The following PGM5 variants were observed in gnomAD, a reference collection of about 807,000 sequenced individuals.
PGM5 encodes the protein phosphoglucomutase 5.
Under a neutral mutation model 59.2 loss-of-function variants are expected in PGM5, and 23 were observed. The ratio of observed to expected loss-of-function variants is 0.39; its 90% confidence interval spans 0.28 to 0.55. PGM5 has a LOEUF of 0.55. Ranked by LOEUF, PGM5 falls within the 20% of genes least tolerant of loss-of-function variation. The pLI, the probability that PGM5 is intolerant of heterozygous loss-of-function variation, is 0.66. For missense variants in PGM5, 574 were observed against 748.3 expected, an observed-to-expected ratio of 0.77 and a Z score of 2.72; for synonymous variants, 214 against 286.0, an observed-to-expected ratio of 0.75 and a Z score of 2.54.
intron 1 of PGM5, among the ~76,000 whole-genome samples, chr9:68,375,588 A>T (rs1211546947): frequency 6.6e-6 from 1 of 152,222 alleles, no homozygotes; most frequent in Non-Finnish European, 1.5e-5. Context: ...TCATTAATTC[A>T]ACAAATATTT....
rs553606035 is a variant in PGM5, at chr9:68,412,048, C to G, written c.1043+19575C>G. On this transcript the variant is annotated intron_variant, in intron 6 of 10. Transcript: ENST00000396396. ...GGACTTCAGCAGGTCTTTGTAAATT[C>G]AAAGCCCAGGCTCTCTAACACCATA... 4.2e-3 allele frequency among the ~76,000 whole-genome samples: 629 copies of G among 149,370 alleles called. 3 individuals carry two copies. The highest frequency in any genetic ancestry group is 0.015 in the African/African-American group (589 of 40,332).
At chr9:68,413,324 A>G (rs1366691061) in intron 6 of PGM5, among the ~76,000 whole-genome samples, 1 of 152,044 alleles carries the variant, frequency 6.6e-6, no homozygotes, top group African/African-American at 2.4e-5. Flanking sequence ...CCTGGGTAAG[A>G]AAGGCTCCCA....
Position 68,529,625 on chromosome 9 carries a change from C to A in PGM5, c.1673C>A (p.Thr558Asn). 1 of 1,600,582 alleles carries A rather than the reference C, an allele frequency of 6.2e-7. No homozygotes were observed. Among genetic ancestry groups the A allele is most frequent in the Non-Finnish European group, 8.5e-7 (1 of 1,171,298 alleles). The part of the protein sequence containing the change: ...ALKISQIHER[T>N]GRRGPTVIT ...AAAATATCCCAGATTCATGAGAGAA[C>A]TGGCCGGAGGGGACCCACTGTCATC... The change falls in exon 11 of 11, where the codon ACT becomes AAT. Residue 558 changes from threonine (T) to asparagine (N), a missense_variant. Physicochemically the swap from Thr to Asn is moderately conservative, Grantham distance 65. Transcript: ENST00000396396.
At chr9:68,373,808 C>T (rs1821803282) in intron 1 of PGM5, among the ~76,000 whole-genome samples, 1 of 152,196 alleles carries the variant, frequency 6.6e-6, no homozygotes. Context: ...CTCTTGTCTA[C>T]CAAATGGGAT....
In PGM5 at chr9:68,356,753, G is replaced by A; in HGVS notation, c.-375G>A. ...TCGCGGGTGAAGGCTGGGGCCAGGC[G>A]CGGGTGGAGGCGTCACCGGGGTCGG... On this transcript the variant is annotated 5_prime_UTR_variant, in exon 1 of 11. Coordinates refer to ENST00000396396, the MANE Select transcript of PGM5 (RefSeq NM_021965.4). 5.2e-6 allele frequency: 1 copy of A among 192,416 alleles called. No individual in the cohort carries two copies. Among genetic ancestry groups the A allele is most frequent in the Admixed American group, 6.2e-5 (1 of 16,244 alleles). The allele number at this position is 192,416 out of a possible 1,614,324, so 11.9% of individuals were successfully genotyped here.
At chr9:68,357,464 T>G in intron 1 of PGM5, 76 bp downstream of exon 1, 1 of 1,519,156 alleles carries the variant, frequency 6.6e-7, no homozygotes. Context: ...CCCTGCTGCC[T>G]CCGGGCCCAG....
intron 7 of PGM5, chr9:68,466,140 C>CT: frequency 7.7e-7 from 1 of 1,299,010 alleles, no homozygotes; most frequent in South Asian, 1.2e-5. Flanking sequence ...TATTTCTCCC[C>CT]TTTTTTCTTC....
chr9:68,422,147 C>T (rs531318830), intron 6 of PGM5, among the ~76,000 whole-genome samples: 1 of 151,500 alleles, frequency 6.6e-6, no homozygotes, highest in South Asian at 2.1e-4. Context: ...TGTAATTTTC[C>T]TAACTTTTGA....
chr9:68,484,318 T>C (rs1465509883), intron 9 of PGM5, among the ~76,000 whole-genome samples: 1 of 150,542 alleles, frequency 6.6e-6, no homozygotes, highest in Non-Finnish European at 1.5e-5. Context: ...GGGTCACTTT[T>C]GAGCTCAGGA....
intron 10 of PGM5, among the ~76,000 whole-genome samples, chr9:68,525,497 CTTGATA>C (rs1198053565): frequency 2.0e-5 from 3 of 152,122 alleles, no homozygotes; most frequent in African/African-American, 7.2e-5. Flanking sequence ...CTACATGGCA[CTTGATA>C]TTGATGTTGC....
chr9:68,379,375 T>C (rs1293940982), intron 2 of PGM5, among the ~76,000 whole-genome samples: 1 of 152,162 alleles, frequency 6.6e-6, no homozygotes, highest in Non-Finnish European at 1.5e-5. Context: ...CAGTGCAGTC[T>C]GAAGGGAAAA....
intron 1 of PGM5, among the ~76,000 whole-genome samples, chr9:68,374,835 A>G (rs1821837835): frequency 6.6e-6 from 1 of 152,222 alleles, no homozygotes; most frequent in Admixed American, 6.5e-5. Context: ...CAGTCCTTGG[A>G]TCTTATATAC....
At chr9:68,498,807 T>C (rs1443909328) in intron 9 of PGM5, 1 of 182,226 alleles carries the variant, frequency 5.5e-6, no homozygotes, top group Non-Finnish European at 1.2e-5. Context: ...GTAACCTTAA[T>C]GTGGGCAATC....
chr9:68,438,060 G>A (rs541736187), intron 6 of PGM5, among the ~76,000 whole-genome samples: 1 of 152,102 alleles, frequency 6.6e-6, no homozygotes, highest in African/African-American at 2.4e-5. Context: ...GGCTGAGGTG[G>A]GTGGATCGCC....
intron 9 of PGM5, among the ~76,000 whole-genome samples, chr9:68,484,479 G>T (rs147673761): frequency 1.3e-5 from 2 of 150,638 alleles, no homozygotes; most frequent in East Asian, 3.9e-4. Context: ...GGTCAAGTCT[G>T]CAGTGACTCA....
At chr9:68,487,142 A>G (rs1824308536) in intron 9 of PGM5, among the ~76,000 whole-genome samples, 1 of 152,070 alleles carries the variant, frequency 6.6e-6, no homozygotes. Flanking sequence ...TCTCTTCAGT[A>G]TTCTCTTGTG....
intron 10 of PGM5, among the ~76,000 whole-genome samples, chr9:68,501,897 T>C (rs1287159795): frequency 1.3e-5 from 2 of 152,254 alleles, no homozygotes; most frequent in Non-Finnish European, 2.9e-5. Context: ...ACTGATTGCC[T>C]TGCAGACATA....
intron 1 of PGM5, among the ~76,000 whole-genome samples, chr9:68,367,607 G>A (rs1216853442): frequency 1.2e-4 from 19 of 152,186 alleles, no homozygotes; most frequent in Non-Finnish European, 2.2e-4. Flanking sequence ...CAAATGTAAA[G>A]TGATAGATGC....
chr9:68,467,220 C>A (rs74357531), intron 7 of PGM5, among the ~76,000 whole-genome samples: 6,159 of 152,206 alleles, frequency 0.04, 517 homozygotes, highest in East Asian at 0.35. Flanking sequence ...GTATCTGGAA[C>A]CCCAGGTGAT....
Sources: gnomAD v4.1 joint callset for allele counts (sites outside exome capture counted in the v4.1 genomes callset) on GRCh38, gnomAD v4.1.1 for gene constraint, MANE v1.5 for transcripts, NCBI Gene and HGNC (gene_info 2026-07-23, HGNC 2026-07-21) for gene names.